The following VPS13B variants were observed in gnomAD, a reference collection of about 807,000 sequenced individuals.
The protein encoded by VPS13B is vacuolar protein sorting 13 homolog B, also known as intermembrane lipid transfer protein VPS13B.
VPS13B carries 285 observed loss-of-function variants against 426.4 expected under a neutral mutation model. That is an observed-to-expected ratio of 0.67 (90% CI 0.61 to 0.74). The LOEUF is 0.74. VPS13B is among the 30% of genes least tolerant of loss of function. VPS13B has a pLI of 0.00. For missense variants in VPS13B, 4,537 were observed against 4,782.6 expected (o/e 0.95, Z 1.51); for synonymous variants, 1,676 against 1,676.4 (o/e 1.00, Z 0.01).
intron 19 of VPS13B, among the ~76,000 whole-genome samples, chr8:99,354,194 C>CTATT (rs1812052232): frequency 7.6e-6 from 1 of 132,308 alleles, no homozygotes; most frequent in Non-Finnish European, 1.6e-5. Context: ...ATTTTTCACT[C>CTATT]TTAATAGTTG....
intron 15 of VPS13B, among the ~76,000 whole-genome samples, chr8:99,158,447 C>T (rs1379276901): frequency 3.9e-5 from 6 of 152,042 alleles, no homozygotes; most frequent in South Asian, 2.1e-4. Context: ...GCAGGAGAAT[C>T]GCCTGAACCC....
chr8:99,863,681 G>A (rs543065920), intron 58 of VPS13B, among the ~76,000 whole-genome samples: 2 of 152,146 alleles, frequency 1.3e-5, no homozygotes, highest in African/African-American at 4.8e-5. Context: ...CCCTGATGAG[G>A]TCATCTTTCT....
In VPS13B at chr8:99,074,253, G is replaced by A. The variant is rs188468748; in HGVS notation, c.292-22059G>A. Among the ~76,000 whole-genome samples, 912 of 152,182 alleles carry A rather than the reference G, an allele frequency of 6.0e-3. 3 individuals are homozygous for A. The highest frequency in any genetic ancestry group is 0.031 in the Middle Eastern group (9 of 294). On this transcript the variant is annotated intron_variant, in intron 3 of 61. Transcript: ENST00000357162. ...CCTTCTATCCCTAATATGTTGGGAG[G>A]TTTTATCATGAAGGTATGTTGGATT...
intron 19 of VPS13B, among the ~76,000 whole-genome samples, chr8:99,336,345 C>G (rs1277762776): frequency 6.6e-6 from 1 of 152,108 alleles, no homozygotes; most frequent in Non-Finnish European, 1.5e-5. Context: ...CTTCCTTACA[C>G]CTTATACAAA....
intron 25 of VPS13B, 92 bp downstream of exon 25, chr8:99,481,894 C>T (rs1820057524): frequency 7.2e-7 from 1 of 1,394,932 alleles, no homozygotes; most frequent in African/African-American, 1.4e-5. Context: ...AACCTCACTA[C>T]TGTGAAAACT....
At chr8:99,570,915 A>G (rs1825440537) in intron 31 of VPS13B, among the ~76,000 whole-genome samples, 1 of 152,134 alleles carries the variant, frequency 6.6e-6, no homozygotes. Flanking sequence ...CAGGTAATAT[A>G]AGTTAGAGCC....
rs144637869 is a variant in VPS13B, at chr8:99,763,275, A to C, written c.7051-3499A>C. 6.3e-3 allele frequency among the ~76,000 whole-genome samples: 958 copies of C among 152,132 alleles called. 7 individuals carry two copies. The highest frequency in any genetic ancestry group is 0.022 in the African/African-American group (900 of 41,488). ...CAACTTCTATACTTCTTTGTGGAGAATCTTTAATGTGCCAGAGATGGGTTG... is the reference window on the plus strand; with the variant it reads ...CAACTTCTATACTTCTTTGTGGAGACTCTTTAATGTGCCAGAGATGGGTTG... On this transcript the variant is annotated intron_variant, in intron 39 of 61. Coordinates refer to ENST00000357162, the MANE Select transcript of VPS13B (RefSeq NM_152564.5).
intron 21 of VPS13B, among the ~76,000 whole-genome samples, chr8:99,411,134 G>C (rs1037862788): frequency 6.6e-6 from 1 of 152,148 alleles, no homozygotes; most frequent in Non-Finnish European, 1.5e-5. Context: ...TTGAGGAATT[G>C]CCACACTGTC....
intron 16 of VPS13B, among the ~76,000 whole-genome samples, chr8:99,189,625 T>G (rs1174365918): frequency 6.6e-6 from 1 of 152,172 alleles, no homozygotes; most frequent in African/African-American, 2.4e-5. Flanking sequence ...ATATTTTATA[T>G]TGCCCTTTCC....
At chr8:99,251,202 G>T (rs1385969541) in intron 17 of VPS13B, among the ~76,000 whole-genome samples, 1 of 152,088 alleles carries the variant, frequency 6.6e-6, no homozygotes, top group Non-Finnish European at 1.5e-5. Context: ...ACAGCATTAG[G>T]TTGAATAACA....
chr8:99,744,197 A>C (rs1178672357), intron 39 of VPS13B, among the ~76,000 whole-genome samples: 1 of 152,232 alleles, frequency 6.6e-6, no homozygotes, highest in African/African-American at 2.4e-5. Context: ...ACATTTATGC[A>C]GCCAAAAGAC....
intron 27 of VPS13B, among the ~76,000 whole-genome samples, chr8:99,505,348 C>G (rs1821441306): frequency 2.0e-5 from 3 of 152,208 alleles, no homozygotes; most frequent in Admixed American, 2.0e-4. Flanking sequence ...GCCTTCCTCA[C>G]TAAGCTTAAT....
At chr8:99,423,278 A>G (rs556239834) in intron 21 of VPS13B, among the ~76,000 whole-genome samples, 198 of 151,022 alleles carry the variant, frequency 1.3e-3, no homozygotes, top group African/African-American at 4.5e-3. Flanking sequence ...TTTTTTTTTG[A>G]AACAGTCTCA....
chr8:99,568,601 T>A (rs1342521059), intron 31 of VPS13B, among the ~76,000 whole-genome samples: 1 of 151,856 alleles, frequency 6.6e-6, no homozygotes, highest in Non-Finnish European at 1.5e-5. Flanking sequence ...AACTATTTCA[T>A]TTTTTAAGTT....
intron 19 of VPS13B, among the ~76,000 whole-genome samples, chr8:99,280,353 T>C (rs551676580): frequency 6.6e-6 from 1 of 152,320 alleles, no homozygotes; most frequent in Non-Finnish European, 1.5e-5. Context: ...TTTAATTAAG[T>C]ACCTCTCTTA....
intron 2 of VPS13B, among the ~76,000 whole-genome samples, chr8:99,021,893 G>A (rs1023545530): frequency 1.3e-4 from 20 of 152,224 alleles, no homozygotes; most frequent in African/African-American, 4.1e-4. Flanking sequence ...GATTACAGGC[G>A]TGAGCCCCTT....
chr8:99,439,657 GA>G (rs1275302652), intron 22 of VPS13B, among the ~76,000 whole-genome samples: 4 of 151,934 alleles, frequency 2.6e-5, no homozygotes, highest in Non-Finnish European at 5.9e-5. Context: ...TATTATTTGG[GA>G]ATAGGAAATA....
At chr8:99,620,112 G>A (rs1299464299) in intron 33 of VPS13B, among the ~76,000 whole-genome samples, 3 of 151,944 alleles carry the variant, frequency 2.0e-5, no homozygotes, top group Non-Finnish European at 2.9e-5. Flanking sequence ...ATGTAGGTAG[G>A]ATGCTTACCA....
chr8:99,832,277 G>GA, intron 51 of VPS13B, 92 bp from the exon 52 acceptor site: 1 of 1,398,956 alleles, frequency 7.1e-7, no homozygotes, highest in South Asian at 1.4e-5. Context: ...AAAAAGAAAA[G>GA]AAAAGAAGAT....
Sources: allele counts gnomAD v4.1 joint callset (sites outside exome capture counted in the v4.1 genomes callset), GRCh38; gene constraint gnomAD v4.1.1; transcripts MANE v1.5; gene names NCBI Gene and HGNC (gene_info 2026-07-23, HGNC 2026-07-21).